ITGA2: variants seen among roughly 807,000 people sequenced by gnomAD.
ITGA2 encodes integrin subunit alpha 2, also known as integrin alpha-2.
ITGA2 carries 101 observed loss-of-function variants against 146.3 expected under a neutral mutation model. The observed-to-expected ratio is 0.69, with a 90% CI of 0.59 to 0.81. ITGA2 has a LOEUF of 0.81. ITGA2 is among the 40% of genes least tolerant of loss of function. The probability of loss-of-function intolerance (pLI) is 0.00; values close to 1 mark genes in which losing one functional copy is unlikely to be tolerated. For missense variants in ITGA2, 1,281 were observed against 1,402.7 expected, an observed-to-expected ratio of 0.91 and a Z score of 1.39; for synonymous variants, 477 against 487.1, an observed-to-expected ratio of 0.98 and a Z score of 0.27.
In ITGA2 at chr5:53,067,154, A is replaced by G; in HGVS notation, c.1980A>G (p.Ser660=). ...TTGCTGATGTAGCTATAGAAGCTTC[A>G]TTCACACCAGAAAAAATCACTTTGG... ...QSIADVAIEA[S]FTPEKITLVN... Residue 660 remains serine (S), a synonymous_variant, in exon 16 of 30, where the codon TCA becomes TCG. Coordinates refer to ENST00000296585, the MANE Select transcript of ITGA2 (RefSeq NM_002203.4). 1.9e-6 allele frequency: 3 copies of G among 1,611,332 alleles called. No homozygotes were observed. The highest frequency in any genetic ancestry group is 3.3e-5 in the Admixed American group (2 of 59,770).
At chr5:52,993,441 A>G (rs1421053040) in intron 1 of ITGA2, among the ~76,000 whole-genome samples, 2 of 152,196 alleles carry the variant, frequency 1.3e-5, no homozygotes, top group African/African-American at 4.8e-5. Flanking sequence ...CTTAAATATC[A>G]TCACTGCCTC....
At position 53,091,009 on chromosome 5, in the gene ITGA2, G is replaced by A. The variant is rs1740391442; in HGVS notation, c.*410G>A. On this transcript the variant is annotated 3_prime_UTR_variant, in exon 30 of 30. Transcript: ENST00000296585. ...TATTTGTCTTTAAACAGCAACTACA[G>A]AAGTGGAAGTGCTTGATATGTAAGT... 6 of 421,576 alleles carry A rather than the reference G, an allele frequency of 1.4e-5. No homozygotes were observed. The highest frequency in any genetic ancestry group is 2.5e-5 in the Non-Finnish European group (6 of 238,084). 26.1% of individuals were successfully genotyped at this position (421,576 alleles called of 1,614,324 possible).
At chr5:53,008,086 C>T (rs962376601) in intron 1 of ITGA2, among the ~76,000 whole-genome samples, 4 of 151,706 alleles carry the variant, frequency 2.6e-5, no homozygotes, top group Non-Finnish European at 5.9e-5. Flanking sequence ...TTAGTCAGCT[C>T]GGGTTATCAT....
chr5:53,030,754 G>A (rs1053743530), intron 2 of ITGA2, among the ~76,000 whole-genome samples: 10 of 152,212 alleles, frequency 6.6e-5, no homozygotes, highest in Non-Finnish European at 1.3e-4. Context: ...TGCAGAATAG[G>A]CAACTTTGAA....
rs1467677631 is a variant in ITGA2 at position 53,094,286 on chromosome 5, A to G, written c.*3687A>G. 2 of 152,142 alleles carry G rather than the reference A, an allele frequency of 1.3e-5. No homozygotes were observed. Among genetic ancestry groups the G allele is most frequent in the African/African-American group, 2.4e-5 (1 of 41,450 alleles). The allele number at this position is 152,142 out of a possible 1,614,324, so 9.4% of individuals were successfully genotyped here. On this transcript the variant is annotated 3_prime_UTR_variant, in exon 30 of 30. Transcript: ENST00000296585. Reference sequence around the variant, plus strand: ...TAGAGGTGAATGAGAAACATGGGGGAAAAGTATGAAATAGGTGAAAATCTT... The same window carrying G: ...TAGAGGTGAATGAGAAACATGGGGGGAAAGTATGAAATAGGTGAAAATCTT...
Position 53,090,857 on chromosome 5 carries a change from G to A in ITGA2, c.*258G>A. On this transcript the variant is annotated 3_prime_UTR_variant, in exon 30 of 30. Transcript: ENST00000296585. Reference sequence around the variant, plus strand: ...GGGGAAAAAAAGTAATCTTTAAACTGGCTGGCCCAGAGTTTACATTCTAAT... The same window carrying A: ...GGGGAAAAAAAGTAATCTTTAAACTAGCTGGCCCAGAGTTTACATTCTAAT... The A allele has an allele frequency of 1.7e-6, 1 of 598,938 alleles. No homozygotes were observed. Among genetic ancestry groups the A allele is most frequent in the Non-Finnish European group, 3.0e-6 (1 of 337,072 alleles). 37.1% of individuals were successfully genotyped at this position (598,938 alleles called of 1,614,324 possible).
chr5:53,062,432 A>G (rs3212543), intron 12 of ITGA2, among the ~76,000 whole-genome samples: 16,003 of 151,862 alleles, frequency 0.11, 975 homozygotes, highest in African/African-American at 0.16. Flanking sequence ...TTTGCCTTAT[A>G]AGTATGTCTT....
intron 17 of ITGA2, 47 bp downstream of exon 17, chr5:53,070,307 C>T (rs377148814): frequency 2.0e-5 from 32 of 1,601,580 alleles, no homozygotes; most frequent in Middle Eastern, 1.7e-4. Context: ...TTCCTAAAGA[C>T]GAGAGAGTGG....
Position 53,092,349 on chromosome 5 carries a change from T to C in ITGA2, c.*1750T>C, listed in dbSNP as rs950416836. ...ACAAATACACAATCCTCCAAGAATTTGACTTGGAAAAAAATGTCAAAGGAA... is the reference window on the plus strand; with the variant it reads ...ACAAATACACAATCCTCCAAGAATTCGACTTGGAAAAAAATGTCAAAGGAA... On this transcript the variant is annotated 3_prime_UTR_variant, in exon 30 of 30. Coordinates refer to ENST00000296585, the MANE Select transcript of ITGA2 (RefSeq NM_002203.4). The C allele has an allele frequency of 3.3e-5, 5 of 151,888 alleles. No homozygotes were observed. The highest frequency in any genetic ancestry group is 1.2e-4 in the African/African-American group (5 of 41,512). 9.4% of individuals were successfully genotyped at this position (151,888 alleles called of 1,614,324 possible).
chr5:53,010,949 G>A (rs2111742062), intron 1 of ITGA2, among the ~76,000 whole-genome samples: 1 of 152,166 alleles, frequency 6.6e-6, no homozygotes, highest in East Asian at 1.9e-4. Flanking sequence ...AAGGGGAGGA[G>A]GAGATGTGAC....
At chr5:53,013,410 TG>T (rs1302244504) in intron 1 of ITGA2, among the ~76,000 whole-genome samples, 1 of 151,512 alleles carries the variant, frequency 6.6e-6, no homozygotes, top group African/African-American at 2.4e-5. Flanking sequence ...GAAGATCAGA[TG>T]GTTGTCAGTG....
chr5:53,051,485 G>T lies in ITGA2; in HGVS notation c.705G>T (p.Met235Ile), dbSNP rs200845740. 2.4e-5 allele frequency: 39 copies of T among 1,613,436 alleles called. No homozygotes were observed. Among genetic ancestry groups the T allele is most frequent in the Non-Finnish European group, 3.1e-5 (37 of 1,179,664 alleles). Residue 235 changes from methionine to isoleucine, a missense_variant, in exon 7 of 30, where the codon ATG (methionine) becomes ATT (isoleucine). Around this residue, in one of 3 missense-constraint regions of ITGA2, gnomAD observed 795 missense variants for 841.7 expected, o/e 0.94. Coordinates refer to ENST00000296585, the MANE Select transcript of ITGA2 (RefSeq NM_002203.4). ...NLNTYKTKEE[M>I]IVATSQTSQY... Reference sequence around the variant, plus strand: ...ACACATATAAAACCAAAGAAGAAATGATTGTAGCAACATCCCAGACATCCC... The same window carrying T: ...ACACATATAAAACCAAAGAAGAAATTATTGTAGCAACATCCCAGACATCCC...
chr5:53,058,656 G>A (rs1334228075), intron 10 of ITGA2, among the ~76,000 whole-genome samples: 1 of 151,674 alleles, frequency 6.6e-6, no homozygotes, highest in Non-Finnish European at 1.5e-5. Flanking sequence ...TGAGTCAGGA[G>A]GTGAGAGAGA....
chr5:53,039,180 A>C (rs912765867), intron 2 of ITGA2, among the ~76,000 whole-genome samples: 1 of 152,222 alleles, frequency 6.6e-6, no homozygotes, highest in African/African-American at 2.4e-5. Flanking sequence ...AGATGTTGTA[A>C]AATTTACTAT....
chr5:53,065,180 C>A, intron 14 of ITGA2, 65 bp downstream of exon 14: 1 of 1,480,734 alleles, frequency 6.8e-7, no homozygotes, highest in Non-Finnish European at 9.4e-7. Flanking sequence ...ACATAGAAAG[C>A]GTCATGTAAA....
intron 1 of ITGA2, among the ~76,000 whole-genome samples, chr5:53,018,791 G>A (rs761217938): frequency 7.9e-5 from 12 of 152,160 alleles, no homozygotes; most frequent in South Asian, 2.1e-4. Flanking sequence ...GGCTGGGCAC[G>A]GTGGCTCACG....
At chr5:53,020,428 T>C (rs1308712233) in intron 1 of ITGA2, among the ~76,000 whole-genome samples, 1 of 152,154 alleles carries the variant, frequency 6.6e-6, no homozygotes, top group Non-Finnish European at 1.5e-5. Flanking sequence ...TCTATAGGCA[T>C]AAATGTAGGG....
intron 2 of ITGA2, among the ~76,000 whole-genome samples, chr5:53,029,058 G>A (rs2111827070): frequency 6.6e-6 from 1 of 152,282 alleles, no homozygotes; most frequent in Non-Finnish European, 1.5e-5. Flanking sequence ...GATCACTTGA[G>A]GCCAGGATTT....
In ITGA2 at chr5:53,090,959, A is replaced by G; in HGVS notation, c.*360A>G. On this transcript the variant is annotated 3_prime_UTR_variant, in exon 30 of 30. Transcript: ENST00000296585. ...AAAAATATGATACTCTCAGATTTTA[A>G]GGGGGAAAACTGTTCTCTTTAAAAT... The G allele has an allele frequency of 3.8e-6, 2 of 522,982 alleles. No homozygotes were observed. Among genetic ancestry groups the G allele is most frequent in the Admixed American group, 7.0e-5 (2 of 28,596 alleles). 32.4% of individuals were successfully genotyped at this position (522,982 alleles called of 1,614,324 possible).
Sources: gnomAD v4.1 joint callset for allele counts (sites outside exome capture counted in the v4.1 genomes callset) on GRCh38, gnomAD v4.1.1 for gene constraint, gnomAD v4.1.1 regional missense constraint, MANE v1.5 for transcripts, NCBI Gene and HGNC (gene_info 2026-07-23, HGNC 2026-07-21) for gene names.